The following ABHD18 variants were observed in gnomAD, a reference collection of about 807,000 sequenced individuals.
ABHD18 encodes abhydrolase domain containing 18.
ABHD18 carries 55 observed loss-of-function variants against 65.9 expected under a neutral mutation model. The ratio of observed to expected loss-of-function variants is 0.84; its 90% CI spans 0.67 to 1.05. The LOEUF is 1.05. ABHD18 is among the 50% of genes least tolerant of loss of function. The pLI, the probability that ABHD18 is intolerant of heterozygous loss-of-function variation, is 0.00. For missense variants in ABHD18, 533 were observed against 558.5 expected, an observed-to-expected ratio of 0.95 and a Z score of 0.46; for synonymous variants, 181 against 180.2, an observed-to-expected ratio of 1.00 and a Z score of -0.04.
intron 12 of ABHD18, among the ~76,000 whole-genome samples, chr4:128,032,837 TA>T (rs963168342): frequency 1.3e-5 from 2 of 152,182 alleles, no homozygotes; most frequent in African/African-American, 4.8e-5. Context: ...TTCACATGAT[TA>T]AAAAGGGACA....
chr4:128,028,788 GGAAA>G lies in ABHD18; in HGVS notation c.1118_1121del (p.Lys373SerfsTer3). The G allele has an allele frequency of 6.2e-7, 1 of 1,609,472 alleles. No individual in the cohort carries two copies. On this transcript the variant is annotated frameshift_variant, in exon 11 of 13. Transcript: ENST00000645843. LOFTEE classifies it high-confidence loss of function. ...AAAGAACAAAGCAGAAACAGTCTTCGGAAAGAGTCTTTAATATTTATGAAAGGAG... is the reference window on the plus strand; with the variant it reads ...AAAGAACAAAGCAGAAACAGTCTTCGGAGTCTTTAATATTTATGAAAGGAG...
At chr4:128,031,582 G>A (rs934231146) in intron 12 of ABHD18, among the ~76,000 whole-genome samples, 1 of 152,106 alleles carries the variant, frequency 6.6e-6, no homozygotes, top group African/African-American at 2.4e-5. Flanking sequence ...TAAATGGTTA[G>A]ATCAGTGCCC....
chr4:128,031,090 A>G, intron 12 of ABHD18: 1 of 989,684 alleles, frequency 1.0e-6, no homozygotes, highest in Non-Finnish European at 1.2e-6. Flanking sequence ...TGAATATTGA[A>G]CCTTAAATAA....
At position 127,975,224 on chromosome 4, in the gene ABHD18, C is replaced by T. The variant is rs181500210; in HGVS notation, c.-17-7715C>T. Among the ~76,000 whole-genome samples, 424 of 151,904 alleles carry T rather than the reference C, an allele frequency of 2.8e-3. 3 individuals carry two copies. Among genetic ancestry groups the T allele is most frequent in the South Asian group, 1.0e-3 (5 of 4,812 alleles). ...AAAGGTAAGTATATTTATATTGTTG[C>T]GCAACTGTATCACCACCATCCATCT... On this transcript the variant is annotated intron_variant, in intron 1 of 12. Coordinates refer to ENST00000645843, the MANE Select transcript of ABHD18 (RefSeq NM_001358451.3).
At chr4:128,017,582 C>T in intron 8 of ABHD18, 81 bp downstream of exon 8, 2 of 1,279,048 alleles carry the variant, frequency 1.6e-6, no homozygotes, top group Non-Finnish European at 2.1e-6. Flanking sequence ...TAAAAATTCA[C>T]TTTAGGTATA....
chr4:128,026,763 A>G (rs547978174), intron 10 of ABHD18, among the ~76,000 whole-genome samples: 1 of 151,518 alleles, frequency 6.6e-6, no homozygotes, highest in East Asian at 1.9e-4. Context: ...TTGTAATACC[A>G]TATTTTTACT....
chr4:128,027,546 C>G (rs1356681318), intron 10 of ABHD18, among the ~76,000 whole-genome samples: 1 of 152,094 alleles, frequency 6.6e-6, no homozygotes, highest in Non-Finnish European at 1.5e-5. Flanking sequence ...GCTGGGATAA[C>G]AGGCACACAC....
intron 4 of ABHD18, among the ~76,000 whole-genome samples, chr4:127,993,459 T>C (rs778348110): frequency 4.6e-5 from 7 of 152,198 alleles, no homozygotes; most frequent in Non-Finnish European, 1.0e-4. Flanking sequence ...ATAACTTACT[T>C]TGATGAAATA....
chr4:128,016,239 A>T (rs1021106943), intron 7 of ABHD18, among the ~76,000 whole-genome samples: 1 of 151,992 alleles, frequency 6.6e-6, no homozygotes, highest in African/African-American at 2.4e-5. Context: ...GGCGTGAGCC[A>T]CTGTGCCCAG....
intron 4 of ABHD18, among the ~76,000 whole-genome samples, chr4:128,007,015 C>T (rs1190325916): frequency 6.6e-6 from 1 of 152,200 alleles, no homozygotes; most frequent in Non-Finnish European, 1.5e-5. Flanking sequence ...CATGGTGGCA[C>T]ATGCCTGTAA....
chr4:128,020,190 A>G, intron 9 of ABHD18, 21 bp downstream of exon 9: 1 of 1,566,164 alleles, frequency 6.4e-7, no homozygotes, highest in Non-Finnish European at 8.8e-7. Context: ...TGTAATTAAT[A>G]TTAGGTAGCT....
At chr4:128,010,640 C>T (rs1208829003) in intron 6 of ABHD18, among the ~76,000 whole-genome samples, 9 of 151,696 alleles carry the variant, frequency 5.9e-5, no homozygotes, top group Admixed American at 2.0e-4. Context: ...TGGCCTGGCA[C>T]GGTGGCTCAC....
chr4:128,009,086 T>G, intron 5 of ABHD18, 21 bp from the exon 6 acceptor site: 2 of 1,585,824 alleles, frequency 1.3e-6, no homozygotes, highest in Non-Finnish European at 1.7e-6. Flanking sequence ...CTTTTGAGTA[T>G]GTGTTCTTTT....
At chr4:127,996,889 G>C (rs1751829911) in intron 4 of ABHD18, among the ~76,000 whole-genome samples, 1 of 152,180 alleles carries the variant, frequency 6.6e-6, no homozygotes, top group Non-Finnish European at 1.5e-5. Context: ...AGACCTTATG[G>C]TTATCTTCCC....
rs1023418724 is a variant in ABHD18, at chr4:128,038,680, T to A, written c.*2867T>A. On this transcript the variant is annotated 3_prime_UTR_variant, in exon 13 of 13. Coordinates refer to ENST00000645843, the MANE Select transcript of ABHD18 (RefSeq NM_001358451.3). ...CCGAGGTGGGGGGACCACCTGAGGT[T>A]GGGAGTTCGAGACTAGCCTGACCAA... 1 of 152,098 alleles carries A rather than the reference T, an allele frequency of 6.6e-6. No individual in the cohort carries two copies. The highest frequency in any genetic ancestry group is 2.4e-5 in the African/African-American group (1 of 41,408). 9.4% of individuals were successfully genotyped at this position (152,098 alleles called of 1,614,324 possible).
chr4:127,996,446 G>C (rs1751749125), intron 4 of ABHD18, among the ~76,000 whole-genome samples: 1 of 152,206 alleles, frequency 6.6e-6, no homozygotes, highest in Non-Finnish European at 1.5e-5. Flanking sequence ...TTTAAAAAGG[G>C]GAGGGGGTGT....
chr4:128,012,438 G>A (rs1754737138), intron 7 of ABHD18, among the ~76,000 whole-genome samples: 1 of 152,096 alleles, frequency 6.6e-6, no homozygotes, highest in African/African-American at 2.4e-5. Flanking sequence ...GTTTGGTTCA[G>A]TCAATAAATA....
chr4:127,984,475 T>A (rs1351856036), intron 3 of ABHD18, 52 bp downstream of exon 3: 2 of 1,028,664 alleles, frequency 1.9e-6, no homozygotes, highest in Non-Finnish European at 2.9e-6. Context: ...GACATAAATA[T>A]GTCTAAGAAT....
intron 4 of ABHD18, among the ~76,000 whole-genome samples, chr4:127,999,072 A>T (rs1032067536): frequency 3.3e-5 from 5 of 151,436 alleles, no homozygotes; most frequent in South Asian, 2.1e-4. Flanking sequence ...ATATATATAT[A>T]TTTTTAAAAA....
Sources: gnomAD v4.1 joint callset for allele counts (sites outside exome capture counted in the v4.1 genomes callset) on GRCh38, gnomAD v4.1.1 for gene constraint, MANE v1.5 for transcripts, NCBI Gene and HGNC (gene_info 2026-07-23, HGNC 2026-07-21) for gene names.